SYT1: variants seen among roughly 807,000 people sequenced by gnomAD.
SYT1 encodes the protein synaptotagmin-1.
SYT1 carries 8 observed loss-of-function variants against 44.8 expected under a neutral mutation model. That is an observed-to-expected ratio of 0.18 (90% CI 0.10 to 0.32). SYT1 has a LOEUF of 0.32. SYT1 is among the 10% of genes least tolerant of loss of function. The probability of loss-of-function intolerance (pLI) is 1.00; values close to 1 mark genes in which losing one functional copy is unlikely to be tolerated. For missense variants in SYT1, 286 were observed against 509.3 expected, an observed-to-expected ratio of 0.56 and a Z score of 4.22; for synonymous variants, 154 against 188.8, an observed-to-expected ratio of 0.82 and a Z score of 1.51.
Position 79,293,406 on chromosome 12 carries a change from A to T in SYT1, c.474+1276A>T, listed in dbSNP as rs139790586. ...AAAATAAAATAAAATAAAATAAAAT[A>T]AAATTAAAAAATCTGTAAGACATAG... is the stretch of plus-strand genomic sequence containing the variant. On this transcript the variant is annotated intron_variant, in intron 6 of 10. Transcript: ENST00000261205. Among the ~76,000 whole-genome samples, 904 of 63,758 alleles carry T rather than the reference A, an allele frequency of 0.014. 51 individuals carry two copies. In the East Asian group the frequency reaches 0.33, roughly 23 times the overall value. 41.8% of individuals were successfully genotyped at this position (63,758 alleles called of 152,430 possible).
At chr12:79,047,970 T>C (rs921591302) in intron 3 of SYT1, among the ~76,000 whole-genome samples, 6 of 151,908 alleles carry the variant, frequency 3.9e-5, no homozygotes, top group African/African-American at 1.4e-4. Flanking sequence ...TTGATGTCAA[T>C]CTTTATGGTA....
At chr12:78,996,493 G>A (rs60166541) in intron 2 of SYT1, among the ~76,000 whole-genome samples, 1 of 152,152 alleles carries the variant, frequency 6.6e-6, no homozygotes, top group African/African-American at 2.4e-5. Context: ...TGTTAAAGCC[G>A]TGGGGAAGAG....
At chr12:79,320,615 C>G (rs183880917) in intron 8 of SYT1, among the ~76,000 whole-genome samples, 234 of 149,062 alleles carry the variant, frequency 1.6e-3, no homozygotes, top group Non-Finnish European at 2.5e-3. Flanking sequence ...AGCAGCACCT[C>G]TCTCGGGTAA....
intron 2 of SYT1, among the ~76,000 whole-genome samples, chr12:79,044,330 T>C (rs2137746945): frequency 6.6e-6 from 1 of 152,268 alleles, no homozygotes; most frequent in African/African-American, 2.4e-5. Context: ...TCATTTCTTT[T>C]TATTCTTTTT....
In SYT1 at chr12:79,057,411, A is replaced by C. The variant is rs114633537; in HGVS notation, c.-18+10049A>C. On this transcript the variant is annotated intron_variant, in intron 3 of 10. Transcript: ENST00000261205. ...GTTTCTAACTCATATGACCCCCCCC[A>C]AATGATATTATACAATTTTTCAATA... is the stretch of plus-strand genomic sequence containing the variant. 2.4e-3 allele frequency among the ~76,000 whole-genome samples: 359 copies of C among 148,640 alleles called. 1 individual carries two copies. Among genetic ancestry groups the C allele is most frequent in the African/African-American group, 9.0e-3 (346 of 38,398 alleles).
chr12:78,995,490 T>A (rs575193638), intron 2 of SYT1, among the ~76,000 whole-genome samples: 1 of 152,160 alleles, frequency 6.6e-6, no homozygotes, highest in African/African-American at 2.4e-5. Flanking sequence ...CTCCAGAGAG[T>A]AATTAACATC....
At chr12:79,099,468 G>C (rs955210341) in intron 3 of SYT1, among the ~76,000 whole-genome samples, 4 of 152,108 alleles carry the variant, frequency 2.6e-5, no homozygotes, top group African/African-American at 9.7e-5. Context: ...AAGGCATCTG[G>C]TTTGATAGAA....
At chr12:78,989,187 C>T (rs1027062293) in intron 2 of SYT1, among the ~76,000 whole-genome samples, 1 of 151,922 alleles carries the variant, frequency 6.6e-6, no homozygotes, top group Non-Finnish European at 1.5e-5. Flanking sequence ...GGTTTGAGGT[C>T]ATCTTTGGAC....
chr12:79,109,839 T>C (rs901694128), intron 3 of SYT1, among the ~76,000 whole-genome samples: 10 of 152,288 alleles, frequency 6.6e-5, no homozygotes, highest in Admixed American at 2.0e-4. Flanking sequence ...TCTTTAAAAG[T>C]AAATTCCAAC....
intron 1 of SYT1, among the ~76,000 whole-genome samples, chr12:78,874,611 T>C (rs1873973323): frequency 6.6e-6 from 1 of 151,600 alleles, no homozygotes; most frequent in Non-Finnish European, 1.5e-5. Flanking sequence ...TTTTCAGAAA[T>C]TCTTTCACTT....
chr12:79,274,061 C>T lies in SYT1; in HGVS notation c.167-11726C>T, dbSNP rs760926302. Among the ~76,000 whole-genome samples the T allele has an allele frequency of 1.6e-4, 24 of 152,134 alleles. 1 individual carries two copies. Among genetic ancestry groups the T allele is most frequent in the South Asian group, 4.2e-4 (2 of 4,804 alleles). On this transcript the variant is annotated intron_variant, in intron 4 of 10. Coordinates refer to ENST00000261205, the MANE Select transcript of SYT1 (RefSeq NM_005639.3). The stretch of plus-strand genomic sequence containing the variant: ...ATGGTGCCACTGCACTCCAGCCTGG[C>T]GACAAAGCAAGACTCCGTCTGAAAA...
chr12:79,189,142 C>G (rs934258410), intron 3 of SYT1, among the ~76,000 whole-genome samples: 1 of 152,046 alleles, frequency 6.6e-6, no homozygotes, highest in African/African-American at 2.4e-5. Flanking sequence ...AGCAACCATC[C>G]CTTTCTGAAT....
At chr12:79,371,708 C>A (rs1883798196) in intron 9 of SYT1, among the ~76,000 whole-genome samples, 1 of 152,162 alleles carries the variant, frequency 6.6e-6, no homozygotes. Context: ...TCACATGCAG[C>A]CTGTGACTTC....
chr12:79,272,314 T>C (rs1878471566), intron 4 of SYT1, among the ~76,000 whole-genome samples: 2 of 152,134 alleles, frequency 1.3e-5, no homozygotes, highest in African/African-American at 4.8e-5. Context: ...AATTATATAT[T>C]GGAAAGTTTT....
At chr12:78,909,974 G>T (rs1876223999) in intron 1 of SYT1, among the ~76,000 whole-genome samples, 1 of 151,832 alleles carries the variant, frequency 6.6e-6, no homozygotes, top group Non-Finnish European at 1.5e-5. Flanking sequence ...CTCCAATATT[G>T]TTTGACCCCT....
intron 3 of SYT1, among the ~76,000 whole-genome samples, chr12:79,179,548 TATAG>T: frequency 6.9e-6 from 1 of 145,454 alleles, no homozygotes; most frequent in African/African-American, 2.5e-5. Context: ...GATATAGAGA[TATAG>T]ATATAGATTT....
chr12:79,357,173 G>A (rs995467798), intron 9 of SYT1, among the ~76,000 whole-genome samples: 2 of 152,156 alleles, frequency 1.3e-5, no homozygotes, highest in African/African-American at 4.8e-5. Context: ...ATTGCACAAA[G>A]ATTTGGCCTC....
At chr12:79,358,540 G>C (rs1883198607) in intron 9 of SYT1, among the ~76,000 whole-genome samples, 2 of 152,236 alleles carry the variant, frequency 1.3e-5, no homozygotes. Flanking sequence ...CTATCTTCCT[G>C]CATGTGGCAC....
intron 8 of SYT1, among the ~76,000 whole-genome samples, chr12:79,352,006 T>G (rs1453970224): frequency 2.0e-5 from 3 of 152,038 alleles, no homozygotes; most frequent in Non-Finnish European, 4.4e-5. Flanking sequence ...TATGGTAAAA[T>G]GCTATGGGGA....
Sources: allele counts gnomAD v4.1 joint callset (sites outside exome capture counted in the v4.1 genomes callset), GRCh38; gene constraint gnomAD v4.1.1; transcripts MANE v1.5; gene names NCBI Gene and HGNC (gene_info 2026-07-23, HGNC 2026-07-21).